The following CDH13 variants were observed in gnomAD, a reference collection of about 807,000 sequenced individuals.
CDH13 encodes the protein cadherin-13.
Under a neutral mutation model 63.8 loss-of-function variants are expected in CDH13, and 24 were observed. The ratio of observed to expected loss-of-function variants is 0.38; its 90% CI spans 0.27 to 0.53. The LOEUF (loss-of-function observed/expected upper bound fraction) is 0.53, where lower values mean the gene tolerates loss of function less well. CDH13 is among the 20% of genes least tolerant of loss of function. The pLI is 0.85. For synonymous variants in CDH13, 503 were observed against 355.3 expected (o/e 1.42, Z -4.67); for missense variants, 1,049 against 903.1 (o/e 1.16, Z -2.07).
intron 1 of CDH13, among the ~76,000 whole-genome samples, chr16:82,712,918 T>G (rs937932479): frequency 6.6e-6 from 1 of 152,124 alleles, no homozygotes; most frequent in Non-Finnish European, 1.5e-5. Context: ...TGATTACTTG[T>G]CCTATCTCCT....
chr16:83,139,909 G>A (rs2036457117), intron 4 of CDH13, among the ~76,000 whole-genome samples: 1 of 152,082 alleles, frequency 6.6e-6, no homozygotes, highest in Non-Finnish European at 1.5e-5. Flanking sequence ...GGCTGAGGCA[G>A]GAGAATTGCT....
chr16:83,272,786 C>G (rs2088864921), intron 5 of CDH13, among the ~76,000 whole-genome samples: 1 of 152,164 alleles, frequency 6.6e-6, no homozygotes, highest in Non-Finnish European at 1.5e-5. Flanking sequence ...GTGGCAGAGT[C>G]AACGTGGGAA....
At chr16:83,558,588 A>G (rs749581135) in intron 7 of CDH13, among the ~76,000 whole-genome samples, 3 of 152,200 alleles carry the variant, frequency 2.0e-5, no homozygotes, top group Non-Finnish European at 4.4e-5. Context: ...CTAGTCAGAG[A>G]TGCATCTGCA....
At chr16:82,957,930 T>C (rs1187858463) in intron 2 of CDH13, among the ~76,000 whole-genome samples, 3 of 152,228 alleles carry the variant, frequency 2.0e-5, no homozygotes, top group Non-Finnish European at 4.4e-5. Flanking sequence ...GTTTATTTCT[T>C]CATAAGGCAA....
chr16:83,759,936 T>TAA (rs11329988), intron 11 of CDH13, among the ~76,000 whole-genome samples: 6 of 133,366 alleles, frequency 4.5e-5, no homozygotes, highest in Admixed American at 7.6e-5. Context: ...TCAAAACCAA[T>TAA]AAAAAAAAAA....
chr16:82,964,370 A>G (rs1030784467), intron 2 of CDH13, among the ~76,000 whole-genome samples: 7 of 152,318 alleles, frequency 4.6e-5, no homozygotes, highest in South Asian at 2.1e-4. Flanking sequence ...AACACCACCA[A>G]TGTACTTCGG....
At chr16:83,543,114 A>G (rs1313579997) in intron 7 of CDH13, among the ~76,000 whole-genome samples, 2 of 152,330 alleles carry the variant, frequency 1.3e-5, no homozygotes, top group African/African-American at 4.8e-5. Context: ...CGCTTGGCAC[A>G]TCGTATGTTT....
At chr16:82,854,901 C>G (rs1171592909) in intron 1 of CDH13, among the ~76,000 whole-genome samples, 2 of 152,164 alleles carry the variant, frequency 1.3e-5, no homozygotes, top group Non-Finnish European at 2.9e-5. Context: ...CTGTGTGGCA[C>G]CTTTCTCATT....
chr16:83,191,504 TACACACACACACACACACACACACAC>T (rs1214690644), intron 4 of CDH13, among the ~76,000 whole-genome samples: 2 of 93,808 alleles, frequency 2.1e-5, no homozygotes, highest in African/African-American at 4.0e-5. Flanking sequence ...TATATATATA[TACACACACACACACACACACACACAC>T]ATATATATAT....
Position 82,697,739 on chromosome 16 carries a change from TTGTG to T in CDH13, c.45+70648_45+70651del, listed in dbSNP as rs56791322. On this transcript the variant is annotated intron_variant, in intron 1 of 13. Transcript: ENST00000567109. ...CACCGCACCTGGCTGGGCCGAGGCA[TTGTG>T]TGTGTGTGTGTGTGTGTGTGTGTGT... 3.5e-3 allele frequency among the ~76,000 whole-genome samples: 515 copies of T among 146,670 alleles called. 5 individuals are homozygous for T. The highest frequency in any genetic ancestry group is 0.012 in the African/African-American group (453 of 38,472).
At chr16:83,416,882 A>T (rs2071565279) in intron 6 of CDH13, among the ~76,000 whole-genome samples, 1 of 152,160 alleles carries the variant, frequency 6.6e-6, no homozygotes, top group South Asian at 2.1e-4. Flanking sequence ...TGCCTTATAA[A>T]ATTATTGAAA....
At chr16:83,745,650 C>G (rs1415077031) in intron 10 of CDH13, among the ~76,000 whole-genome samples, 1 of 152,138 alleles carries the variant, frequency 6.6e-6, no homozygotes, top group African/African-American at 2.4e-5. Flanking sequence ...CTCAACAACC[C>G]AAGTTGACCA....
intron 8 of CDH13, among the ~76,000 whole-genome samples, chr16:83,633,856 A>G (rs1279827562): frequency 1.3e-5 from 2 of 152,222 alleles, no homozygotes; most frequent in Non-Finnish European, 2.9e-5. Context: ...ACAGTAAAAT[A>G]GGCCATGTGA....
At chr16:83,178,236 A>C (rs148031414) in intron 4 of CDH13, among the ~76,000 whole-genome samples, 2 of 152,218 alleles carry the variant, frequency 1.3e-5, no homozygotes, top group African/African-American at 4.8e-5. Context: ...GTGCTTATAA[A>C]AGGATGTTTA....
intron 6 of CDH13, among the ~76,000 whole-genome samples, chr16:83,400,742 A>C (rs1371799088): frequency 6.6e-6 from 1 of 151,648 alleles, no homozygotes; most frequent in African/African-American, 2.4e-5. Context: ...TCAAGTGTGA[A>C]AGTGAGTCCC....
chr16:83,522,430 A>G (rs575497561), intron 7 of CDH13, among the ~76,000 whole-genome samples: 130 of 152,318 alleles, frequency 8.5e-4, no homozygotes, highest in African/African-American at 3.1e-3. Context: ...GCAATATGCA[A>G]CCGTGGAGTT....
chr16:83,618,888 C>T (rs1182783424), intron 8 of CDH13, among the ~76,000 whole-genome samples: 1 of 151,490 alleles, frequency 6.6e-6, no homozygotes, highest in East Asian at 1.9e-4. Context: ...TGAGCTCATT[C>T]TTGTGAGATT....
intron 3 of CDH13, among the ~76,000 whole-genome samples, chr16:83,109,567 G>C (rs1331240643): frequency 6.6e-6 from 1 of 152,162 alleles, no homozygotes; most frequent in African/African-American, 2.4e-5. Context: ...TTTTCTAACA[G>C]GGGCCAGCCA....
intron 4 of CDH13, among the ~76,000 whole-genome samples, chr16:83,129,052 T>C (rs1038386761): frequency 1.3e-5 from 2 of 152,244 alleles, no homozygotes; most frequent in Non-Finnish European, 2.9e-5. Flanking sequence ...CTTGTTTCTA[T>C]TTATCTGTCT....
Sources: gnomAD v4.1 joint callset for allele counts (sites outside exome capture counted in the v4.1 genomes callset) on GRCh38, gnomAD v4.1.1 for gene constraint, MANE v1.5 for transcripts, NCBI Gene and HGNC (gene_info 2026-07-23, HGNC 2026-07-21) for gene names.